The following VPS8 variants were observed in gnomAD, a reference collection of about 807,000 sequenced individuals.
VPS8 encodes the protein vacuolar protein sorting-associated protein 8 homolog.
VPS8 carries 129 observed loss-of-function variants against 216.4 expected under a neutral mutation model. The ratio of observed to expected loss-of-function variants is 0.60; its 90% CI spans 0.52 to 0.69. The LOEUF (loss-of-function observed/expected upper bound fraction) is 0.69, where lower values mean the gene tolerates loss of function less well. Ranked by LOEUF, VPS8 falls within the 30% of genes least tolerant of loss-of-function variation. The pLI, the probability that VPS8 is intolerant of heterozygous loss-of-function variation, is 0.00. For missense variants in VPS8, 1,531 were observed against 1,683.5 expected, an observed-to-expected ratio of 0.91 and a Z score of 1.59; for synonymous variants, 571 against 565.4, an observed-to-expected ratio of 1.01 and a Z score of -0.14.
intron 25 of VPS8, among the ~76,000 whole-genome samples, chr3:184,908,589 C>T (rs991747096): frequency 2.0e-5 from 3 of 152,236 alleles, no homozygotes; most frequent in East Asian, 1.9e-4. Flanking sequence ...GCAGCTCGGT[C>T]GGCCTCTGGC....
intron 37 of VPS8, among the ~76,000 whole-genome samples, chr3:184,958,320 TGTAA>T (rs1327632949): frequency 5.3e-5 from 8 of 152,140 alleles, no homozygotes; most frequent in African/African-American, 1.7e-4. Flanking sequence ...GTGGTGGTGT[TGTAA>T]GTGTGTTTCC....
chr3:184,997,564 C>T (rs1752777575), intron 44 of VPS8, among the ~76,000 whole-genome samples: 1 of 152,156 alleles, frequency 6.6e-6, no homozygotes, highest in African/African-American at 2.4e-5. Flanking sequence ...ATGCAAGCTG[C>T]TATTCAAGGG....
chr3:184,840,267 T>G (rs1721875444), intron 7 of VPS8: 1 of 152,630 alleles, frequency 6.6e-6, no homozygotes, highest in South Asian at 2.1e-4. Flanking sequence ...AGAACTAGTT[T>G]TATTTGTATA....
intron 39 of VPS8, 63 bp downstream of exon 39, chr3:184,966,776 T>A: frequency 8.1e-7 from 1 of 1,239,652 alleles, no homozygotes; most frequent in Non-Finnish European, 1.1e-6. Flanking sequence ...AAAAGATGTT[T>A]AATAAATTGC....
At chr3:184,857,220 G>A (rs887740330) in intron 14 of VPS8, among the ~76,000 whole-genome samples, 1 of 152,210 alleles carries the variant, frequency 6.6e-6, no homozygotes, top group African/African-American at 2.4e-5. Flanking sequence ...GAATAGATGG[G>A]GTGGATTGAT....
At chr3:184,932,831 A>C (rs1255780677) in intron 34 of VPS8, among the ~76,000 whole-genome samples, 1 of 152,232 alleles carries the variant, frequency 6.6e-6, no homozygotes, top group East Asian at 1.9e-4. Flanking sequence ...ACATTTTATA[A>C]GTATATCACA....
At chr3:185,006,605 C>G (rs781435371) in intron 45 of VPS8, among the ~76,000 whole-genome samples, 1 of 152,152 alleles carries the variant, frequency 6.6e-6, no homozygotes, top group Non-Finnish European at 1.5e-5. Context: ...CTACTGTGAT[C>G]GTTTCTATTA....
At chr3:184,848,997 G>T in intron 8 of VPS8, 74 bp from the exon 9 acceptor site, 2 of 1,529,020 alleles carry the variant, frequency 1.3e-6, no homozygotes, top group South Asian at 2.3e-5. Flanking sequence ...CCAAGTCTTT[G>T]AAAGCATGCC....
At chr3:184,817,102 T>C (rs1423908436) in intron 1 of VPS8, 2 of 152,150 alleles carry the variant, frequency 1.3e-5, no homozygotes, top group African/African-American at 2.4e-5. Context: ...AGCTAAGTGA[T>C]TTAAAAATAT....
chr3:184,964,388 G>A, intron 37 of VPS8, 80 bp from the exon 38 acceptor site: 3 of 832,194 alleles, frequency 3.6e-6, no homozygotes, highest in African/African-American at 1.7e-5. Flanking sequence ...TATCATATGA[G>A]TTTTTTCATC....
chr3:184,837,857 A>T (rs771193987), intron 5 of VPS8, among the ~76,000 whole-genome samples: 3 of 152,190 alleles, frequency 2.0e-5, no homozygotes, highest in Admixed American at 6.5e-5. Context: ...AGTCAGTTAA[A>T]CTCTTGGAAA....
At chr3:185,030,193 A>G (rs1757922375) in intron 46 of VPS8, among the ~76,000 whole-genome samples, 1 of 152,156 alleles carries the variant, frequency 6.6e-6, no homozygotes, top group Admixed American at 6.5e-5. Context: ...ACATCAGGAG[A>G]GTTAGTTGGG....
chr3:184,939,312 A>T (rs1560775249), intron 35 of VPS8, among the ~76,000 whole-genome samples: 1 of 151,996 alleles, frequency 6.6e-6, no homozygotes, highest in East Asian at 1.9e-4. Context: ...TGATAAAAAT[A>T]AATATATTTT....
intron 45 of VPS8, among the ~76,000 whole-genome samples, chr3:185,019,445 A>G (rs563147895): frequency 6.6e-6 from 1 of 152,364 alleles, no homozygotes; most frequent in Non-Finnish European, 1.5e-5. Flanking sequence ...ATTTACCTAC[A>G]TATTTATTGA....
chr3:184,892,716 C>T (rs964933489), intron 22 of VPS8, among the ~76,000 whole-genome samples: 22 of 152,162 alleles, frequency 1.4e-4, no homozygotes, highest in Non-Finnish European at 2.8e-4. Flanking sequence ...TGTGGTTTTG[C>T]ATTTATCTTA....
chr3:184,967,629 G>A (rs1747640754), intron 39 of VPS8, among the ~76,000 whole-genome samples: 1 of 152,074 alleles, frequency 6.6e-6, no homozygotes, highest in Non-Finnish European at 1.5e-5. Flanking sequence ...CCTGAGGTCA[G>A]GAGTTCGAGA....
At chr3:184,881,221 A>C (rs370635461) in intron 21 of VPS8, among the ~76,000 whole-genome samples, 14 of 152,282 alleles carry the variant, frequency 9.2e-5, no homozygotes, top group African/African-American at 3.4e-4. Context: ...CTCTTTGCCT[A>C]GCCTAAGATC....
At chr3:184,927,370 T>A (rs1264328007) in intron 31 of VPS8, among the ~76,000 whole-genome samples, 4 of 152,202 alleles carry the variant, frequency 2.6e-5, no homozygotes, top group Admixed American at 6.5e-5. Context: ...GTTGAGACTA[T>A]CGGATAGCAA....
rs1451853231 is a variant in VPS8 at position 184,886,182 on chromosome 3, C to G, written c.1781+26C>G. 5.6e-6 allele frequency: 9 copies of G among 1,595,656 alleles called. No homozygotes were observed. In the South Asian group the frequency reaches 1.0e-4, roughly 18 times the overall value. On this transcript the variant is annotated intron_variant, in intron 22 of 47. Coordinates refer to ENST00000625842, the MANE Select transcript of VPS8 (RefSeq NM_001009921.3). ...GTGAGTATGCGTTGCCTGTCACATT[C>G]AATTATTTTGAACCCAGGTAGCCTC...
Sources: allele counts gnomAD v4.1 joint callset (sites outside exome capture counted in the v4.1 genomes callset), GRCh38; gene constraint gnomAD v4.1.1; transcripts MANE v1.5; gene names NCBI Gene and HGNC (gene_info 2026-07-23, HGNC 2026-07-21).